The following FGF14 variants were observed in gnomAD, a reference collection of about 807,000 sequenced individuals.
FGF14 encodes fibroblast growth factor 14.
Under a neutral mutation model 25.5 loss-of-function variants are expected in FGF14, and 5 were observed. That is an observed-to-expected ratio of 0.20 (90% CI 0.10 to 0.41). The LOEUF (loss-of-function observed/expected upper bound fraction) is 0.41, where lower values mean the gene tolerates loss of function less well. Among genes scored for constraint, FGF14 ranks in the 10% least tolerant of loss-of-function variants. FGF14 has a pLI of 1.00. For missense variants in FGF14, 222 were observed against 320.1 expected (o/e 0.69, Z 2.34); for synonymous variants, 138 against 118.3 (o/e 1.17, Z -1.08).
At chr13:102,199,018 G>T (rs745358873) in intron 1 of FGF14, among the ~76,000 whole-genome samples, 1 of 152,162 alleles carries the variant, frequency 6.6e-6, no homozygotes, top group Non-Finnish European at 1.5e-5. Flanking sequence ...AATATACAAA[G>T]AACTGGCTTA....
intron 2 of FGF14, among the ~76,000 whole-genome samples, chr13:101,869,608 G>C (rs2044935430): frequency 6.6e-6 from 1 of 152,102 alleles, no homozygotes; most frequent in African/African-American, 2.4e-5. Flanking sequence ...TGATGATTTT[G>C]GAGATTTTAT....
intron 1 of FGF14, among the ~76,000 whole-genome samples, chr13:101,940,138 T>A (rs1414982828): frequency 6.6e-6 from 1 of 152,162 alleles, no homozygotes; most frequent in Non-Finnish European, 1.5e-5. Context: ...AAGCAGTAAA[T>A]CCCTAGTTGT....
At chr13:102,156,689 G>C (rs968346079) in intron 1 of FGF14, among the ~76,000 whole-genome samples, 1 of 152,086 alleles carries the variant, frequency 6.6e-6, no homozygotes, top group Non-Finnish European at 1.5e-5. Flanking sequence ...GGAAATAAAT[G>C]GTATTCAATT....
chr13:101,725,469 A>C (rs7986140), intron 4 of FGF14, among the ~76,000 whole-genome samples: 19,442 of 152,034 alleles, frequency 0.13, 1,931 homozygotes, highest in African/African-American at 0.28. Flanking sequence ...ATTAAGAGTG[A>C]CACTAAGTCA....
chr13:101,869,309 C>T (rs7996504), intron 2 of FGF14, among the ~76,000 whole-genome samples: 13,134 of 152,074 alleles, frequency 0.086, 889 homozygotes, highest in East Asian at 0.29. Flanking sequence ...CAATATGATA[C>T]GCCAGCGAAG....
chr13:101,803,495 A>G (rs1293713218), intron 3 of FGF14, among the ~76,000 whole-genome samples: 2 of 152,184 alleles, frequency 1.3e-5, no homozygotes, highest in Non-Finnish European at 2.9e-5. Context: ...CCACTGCATC[A>G]ATCAAAGTTC....
At chr13:102,000,430 T>C (rs2039427944) in intron 1 of FGF14, among the ~76,000 whole-genome samples, 1 of 152,228 alleles carries the variant, frequency 6.6e-6, no homozygotes, top group East Asian at 1.9e-4. Flanking sequence ...GATGCAAATA[T>C]CTGTAAAGAG....
chr13:102,344,523 G>A (rs1004284734), intron 1 of FGF14, among the ~76,000 whole-genome samples: 1 of 152,202 alleles, frequency 6.6e-6, no homozygotes, highest in African/African-American at 2.4e-5. Context: ...TAGTCCAAGA[G>A]TATTATCTGT....
intron 1 of FGF14, among the ~76,000 whole-genome samples, chr13:102,155,920 A>G (rs1680578931): frequency 1.3e-5 from 2 of 152,366 alleles, no homozygotes; most frequent in African/African-American, 2.4e-5. Flanking sequence ...AGAAATGGAT[A>G]CATTCCTCGA....
Position 101,928,523 on chromosome 13 carries a change from C to T in FGF14, c.209-53227G>A, listed in dbSNP as rs991962710. Among the ~76,000 whole-genome samples, 3 of 151,910 alleles carry T rather than the reference C, an allele frequency of 2.0e-5. No homozygotes were observed. In the South Asian group the frequency reaches 6.2e-4, roughly 32 times the overall value. On this transcript the variant is annotated intron_variant, in intron 1 of 4. Coordinates refer to the FGF14 transcript ENST00000376131. ...TTCGTTTATGGCTTTGAACTGAAAT[C>T]TTACTGTTATCTTATTTTCCCTATT...
chr13:101,914,252 T>C (rs977345332), intron 1 of FGF14, among the ~76,000 whole-genome samples: 1 of 151,310 alleles, frequency 6.6e-6, no homozygotes, highest in African/African-American at 2.4e-5. Context: ...TATGTCGATA[T>C]ATAATTTACA....
At chr13:102,393,216 C>G (rs1422919774) in intron 1 of FGF14, among the ~76,000 whole-genome samples, 1 of 152,134 alleles carries the variant, frequency 6.6e-6, no homozygotes, top group East Asian at 1.9e-4. Flanking sequence ...CTTGGTCCAC[C>G]TACACAGAAT....
At chr13:101,931,226 T>C (rs948355092) in intron 1 of FGF14, among the ~76,000 whole-genome samples, 13 of 152,082 alleles carry the variant, frequency 8.5e-5, no homozygotes, top group Non-Finnish European at 1.6e-4. Flanking sequence ...TTTCTGCTTG[T>C]CTCTGGAATG....
intron 3 of FGF14, among the ~76,000 whole-genome samples, chr13:101,838,334 C>A (rs1394527064): frequency 1.3e-5 from 2 of 151,948 alleles, no homozygotes; most frequent in Non-Finnish European, 2.9e-5. Flanking sequence ...CTGTTATTCC[C>A]CTAAGAGGTG....
chr13:101,987,687 T>C (rs1374890190), intron 1 of FGF14, among the ~76,000 whole-genome samples: 1 of 152,162 alleles, frequency 6.6e-6, no homozygotes, highest in East Asian at 1.9e-4. Context: ...CCTAGAGCAA[T>C]GTTCTGCATG....
chr13:102,105,899 T>C (rs375075414), intron 1 of FGF14, among the ~76,000 whole-genome samples: 3 of 152,328 alleles, frequency 2.0e-5, no homozygotes, highest in East Asian at 3.9e-4. Flanking sequence ...TATTAATTAT[T>C]ATCAATTGCC....
chr13:102,115,722 C>T (rs74356351), intron 1 of FGF14, among the ~76,000 whole-genome samples: 1,879 of 152,148 alleles, frequency 0.012, 41 homozygotes, highest in African/African-American at 0.043. Context: ...GGCTACCTAT[C>T]GAGTATTTTG....
intron 3 of FGF14, among the ~76,000 whole-genome samples, chr13:101,845,138 C>T (rs189089039): frequency 1.3e-4 from 20 of 152,048 alleles, no homozygotes; most frequent in Admixed American, 1.1e-3. Context: ...TAATACAGTA[C>T]GCCTTCATCG....
Position 101,711,910 on chromosome 13 carries a change from G to A in FGF14, c.*10921C>T, listed in dbSNP as rs1030542524. 6.6e-6 allele frequency: 1 copy of A among 152,274 alleles called. No homozygotes were observed. Among genetic ancestry groups the A allele is most frequent in the Non-Finnish European group, 1.5e-5 (1 of 68,128 alleles). The allele number at this position is 152,274 out of a possible 1,614,324, so 9.4% of individuals were successfully genotyped here. ...TGCCAAGATCAGCCAGCTGTTCTCT[G>A]GCTAGGCTGGGTCTCAGGGGTGTGA... On this transcript the variant is annotated 3_prime_UTR_variant, in exon 5 of 5. Transcript: ENST00000376143.
Sources: allele counts gnomAD v4.1 joint callset (sites outside exome capture counted in the v4.1 genomes callset), GRCh38; gene constraint gnomAD v4.1.1; transcripts MANE v1.5; gene names NCBI Gene and HGNC (gene_info 2026-07-23, HGNC 2026-07-21).